Variants in TAF3 observed in about 807,000 individuals in gnomAD.
TAF3 encodes the protein TATA-box binding protein associated factor 3, also known as transcription initiation factor TFIID subunit 3.
TAF3 carries 7 observed loss-of-function variants against 80.6 expected under a neutral mutation model. The ratio of observed to expected loss-of-function variants is 0.09; its 90% confidence interval spans 0.05 to 0.16. The LOEUF is 0.16. TAF3 is among the 10% of genes least tolerant of loss of function. The pLI, the probability that TAF3 is intolerant of heterozygous loss-of-function variation, is 1.00. For synonymous variants in TAF3, 444 were observed against 446.1 expected (o/e 1.00, Z 0.06); for missense variants, 921 against 1,140.2 (o/e 0.81, Z 2.77).
chr10:7,901,377 A>G (rs1423313107), intron 2 of TAF3, among the ~76,000 whole-genome samples: 2 of 152,244 alleles, frequency 1.3e-5, no homozygotes, highest in East Asian at 1.9e-4. Context: ...AAATTCTTAT[A>G]AAAACAAAGA....
At chr10:7,990,112 A>G (rs533748086) in intron 4 of TAF3, among the ~76,000 whole-genome samples, 1 of 152,206 alleles carries the variant, frequency 6.6e-6, no homozygotes, top group African/African-American at 2.4e-5. Flanking sequence ...AATGTTTGAT[A>G]TTAGCCTGGT....
At chr10:7,944,070 C>T (rs1457015078) in intron 2 of TAF3, among the ~76,000 whole-genome samples, 1 of 147,494 alleles carries the variant, frequency 6.8e-6, no homozygotes, top group African/African-American at 2.5e-5. Context: ...AAATTATTCA[C>T]TGATTTTTTA....
At chr10:7,859,946 G>A (rs1837127909) in intron 2 of TAF3, among the ~76,000 whole-genome samples, 1 of 152,124 alleles carries the variant, frequency 6.6e-6, no homozygotes, top group South Asian at 2.1e-4. Context: ...GGCTACTAAT[G>A]GCAGTTACAT....
chr10:7,863,632 T>A (rs1287765086), intron 2 of TAF3, among the ~76,000 whole-genome samples: 707 of 64,800 alleles, frequency 0.011, 4 homozygotes, highest in Non-Finnish European at 0.014. Flanking sequence ...AAAAAATATA[T>A]ATATATATAT....
chr10:7,858,705 C>T (rs1306878610), intron 2 of TAF3, among the ~76,000 whole-genome samples: 1 of 152,080 alleles, frequency 6.6e-6, no homozygotes, highest in African/African-American at 2.4e-5. Context: ...TGCTTAGAAC[C>T]GTGGCCGGGA....
At chr10:7,976,191 G>A (rs1304416422) in intron 3 of TAF3, among the ~76,000 whole-genome samples, 1 of 151,970 alleles carries the variant, frequency 6.6e-6, no homozygotes. Context: ...GGCAGCCATT[G>A]CCTTCACCAC....
intron 2 of TAF3, among the ~76,000 whole-genome samples, chr10:7,951,532 G>A (rs1588563428): frequency 2.6e-5 from 4 of 152,164 alleles, no homozygotes; most frequent in Non-Finnish European, 4.4e-5. Flanking sequence ...GTGTGCAGCC[G>A]CTTTCCATGC....
chr10:7,854,864 G>C (rs1837063366), intron 2 of TAF3, among the ~76,000 whole-genome samples: 1 of 152,160 alleles, frequency 6.6e-6, no homozygotes, highest in Non-Finnish European at 1.5e-5. Flanking sequence ...GAACCACTGA[G>C]TGTTGTGGAT....
In TAF3 at chr10:7,821,360, T is replaced by C. The variant is rs184274825; in HGVS notation, c.166+2485T>C. The stretch of plus-strand genomic sequence containing the variant: ...TTGTATTCCACCCCTTTAAATCCTT[T>C]CTGTTGTTTTAACAAACACTTACTG... On this transcript the variant is annotated intron_variant, in intron 1 of 6. Transcript: ENST00000344293. 1.4e-3 allele frequency among the ~76,000 whole-genome samples: 206 copies of C among 152,326 alleles called. 1 individual carries two copies. Among genetic ancestry groups the C allele is most frequent in the African/African-American group, 4.8e-3 (200 of 41,566 alleles).
chr10:7,977,921 G>A (rs934604149), intron 4 of TAF3, among the ~76,000 whole-genome samples: 6 of 151,982 alleles, frequency 3.9e-5, no homozygotes, highest in East Asian at 1.9e-4. Flanking sequence ...CAACCCACTC[G>A]TCTTTACAGT....
At chr10:7,915,161 C>T (rs1367569896) in intron 2 of TAF3, among the ~76,000 whole-genome samples, 3 of 150,702 alleles carry the variant, frequency 2.0e-5, no homozygotes, top group Non-Finnish European at 3.0e-5. Flanking sequence ...AGGATGGTCT[C>T]GATCTCCTGA....
In TAF3 at chr10:7,964,239, A is replaced by T; in HGVS notation, c.729A>T (p.Ser243=). Reference sequence around the variant, plus strand: ...ACAGTACAGACTTGGCACCTCCCTCACCCGAGCCGCCAATGTTGGCTCCAG... The same window carrying T: ...ACAGTACAGACTTGGCACCTCCCTCTCCCGAGCCGCCAATGTTGGCTCCAG... ...VQDSTDLAPP[S]PEPPMLAPVA... Residue 243 remains serine (S), a synonymous_variant, in exon 3 of 7, where the codon TCA becomes TCT. Transcript: ENST00000344293. This position sits in a 1 kb window ranked among gnomAD's most constrained non-coding sequence, Gnocchi z 4.1. 6.2e-7 allele frequency: 1 copy of T among 1,614,100 alleles called. No individual in the cohort carries two copies. Among genetic ancestry groups the T allele is most frequent in the African/African-American group, 1.3e-5 (1 of 75,028 alleles).
At chr10:7,879,240 T>C (rs928097967) in intron 2 of TAF3, among the ~76,000 whole-genome samples, 10 of 152,234 alleles carry the variant, frequency 6.6e-5, no homozygotes, top group Admixed American at 2.6e-4. Context: ...ACCTTTGTCA[T>C]AAAATTACTT....
intron 5 of TAF3, among the ~76,000 whole-genome samples, chr10:8,010,863 G>A (rs1260237042): frequency 1.3e-5 from 2 of 152,022 alleles, no homozygotes; most frequent in Non-Finnish European, 2.9e-5. Flanking sequence ...AGCCAAGATC[G>A]TACCACTGCT....
intron 2 of TAF3, among the ~76,000 whole-genome samples, chr10:7,931,128 G>GCAAA (rs1371975268): frequency 6.6e-6 from 1 of 152,132 alleles, no homozygotes; most frequent in Non-Finnish European, 1.5e-5. Flanking sequence ...TATTATACTT[G>GCAAA]ATTAATCCAC....
intron 2 of TAF3, among the ~76,000 whole-genome samples, chr10:7,836,609 T>A (rs1375902147): frequency 6.6e-6 from 1 of 152,190 alleles, no homozygotes; most frequent in African/African-American, 2.4e-5. Flanking sequence ...TACACCTGTG[T>A]TATCCATCTC....
intron 2 of TAF3, among the ~76,000 whole-genome samples, chr10:7,920,198 G>A (rs1837749023): frequency 6.6e-6 from 1 of 152,044 alleles, no homozygotes; most frequent in Admixed American, 6.6e-5. Context: ...GGCTGCAAGT[G>A]AGATGTGATC....
intron 4 of TAF3, among the ~76,000 whole-genome samples, chr10:7,982,920 C>T (rs949448048): frequency 6.6e-6 from 1 of 152,138 alleles, no homozygotes; most frequent in Non-Finnish European, 1.5e-5. Context: ...CTCTTAAGCA[C>T]CTCTTCATCT....
At chr10:7,892,985 A>G (rs946773816) in intron 2 of TAF3, among the ~76,000 whole-genome samples, 5 of 151,530 alleles carry the variant, frequency 3.3e-5, no homozygotes, top group African/African-American at 4.8e-5. Flanking sequence ...ACACCCCATT[A>G]ATTTTTGTAT....
Sources: allele counts gnomAD v4.1 joint callset (sites outside exome capture counted in the v4.1 genomes callset), GRCh38; gene constraint gnomAD v4.1.1; non-coding constraint Gnocchi (gnomAD v3.1); transcripts MANE v1.5; gene names NCBI Gene and HGNC (gene_info 2026-07-23, HGNC 2026-07-21).